Variants in NCKIPSD observed in about 807,000 individuals in gnomAD.
NCKIPSD encodes NCK interacting protein with SH3 domain, also known as NCK-interacting protein with SH3 domain.
In NCKIPSD, 48 loss-of-function variants were observed where a neutral mutation model predicts 73.4. That is an observed-to-expected ratio of 0.65 (90% CI 0.52 to 0.83). NCKIPSD has a LOEUF of 0.83. Among genes scored for constraint, NCKIPSD ranks in the 40% least tolerant of loss-of-function variants. NCKIPSD has a pLI of 0.00. For synonymous variants in NCKIPSD, 422 were observed against 403.6 expected, an observed-to-expected ratio of 1.05 and a Z score of -0.54; for missense variants, 884 against 970.2, an observed-to-expected ratio of 0.91 and a Z score of 1.18.
rs2077216275 is a variant in NCKIPSD at position 48,674,198 on chromosome 3, C to G, written c.*346G>C. 19 of 1,228,624 alleles carry G rather than the reference C, an allele frequency of 1.5e-5. No homozygotes were observed. The South Asian group carries it at 3.6e-4, about 23-fold the overall frequency. The allele number at this position is 1,228,624 out of a possible 1,614,324, so 76.1% of individuals were successfully genotyped here. ...GGCTTGCTGAGGCCCAGGATACAGA[C>G]CAGGAGGGGTGGGGATGGGGGTCTG... On this transcript the variant is annotated 3_prime_UTR_variant, in exon 13 of 13. Transcript: ENST00000294129.
At chr3:48,684,019 C>CACACACACAGAGAG (rs563262573) in intron 1 of NCKIPSD, among the ~76,000 whole-genome samples, 3 of 141,258 alleles carry the variant, frequency 2.1e-5, no homozygotes, top group African/African-American at 8.4e-5. Context: ...CACACACACA[C>CACACACACAGAGAG]AGAGAGAGAG....
intron 12 of NCKIPSD, among the ~76,000 whole-genome samples, chr3:48,676,280 T>C (rs1471484437): frequency 6.6e-6 from 1 of 152,144 alleles, no homozygotes; most frequent in Non-Finnish European, 1.5e-5. Flanking sequence ...GTCTTTCCCC[T>C]CAGTACCCAC....
Position 48,679,901 on chromosome 3 carries a change from G to T in NCKIPSD, c.1264-14C>A. 2 of 1,614,136 alleles carry T rather than the reference G, an allele frequency of 1.2e-6. No individual in the cohort carries two copies. The highest frequency in any genetic ancestry group is 1.1e-5 in the South Asian group (1 of 91,082). On this transcript the variant is annotated splice_polypyrimidine_tract_variant and intron_variant, in intron 6 of 12. Coordinates refer to ENST00000294129, the MANE Select transcript of NCKIPSD (RefSeq NM_016453.4). ...GTCTGCATCAGTCTACAGAAATGAG[G>T]AAGTGAGAGCATCAGCCACCATGAG...
chr3:48,679,515 A>G, intron 8 of NCKIPSD, 58 bp from the exon 9 acceptor site: 1 of 1,607,400 alleles, frequency 6.2e-7, no homozygotes, highest in Admixed American at 1.7e-5. Context: ...ACCCCAGCAG[A>G]TGGCAGGAAC....
Position 48,673,897 on chromosome 3 carries a change from T to C in NCKIPSD, c.*647A>G. On this transcript the variant is annotated 3_prime_UTR_variant, in exon 13 of 13. Coordinates refer to ENST00000294129, the MANE Select transcript of NCKIPSD (RefSeq NM_016453.4). ...AGGAGAGCTACAGCACATAGGAAAA[T>C]ACACATGGCTTTTCAGTCTACATTT... The C allele has an allele frequency of 3.8e-6, 4 of 1,056,794 alleles. No individual in the cohort carries two copies. Among genetic ancestry groups the C allele is most frequent in the South Asian group, 4.6e-5 (1 of 21,912 alleles). 65.5% of individuals were successfully genotyped at this position (1,056,794 alleles called of 1,614,324 possible). A position where few individuals can be genotyped will look rare whatever the true frequency, so the allele number is the denominator to read the frequency against.
intron 1 of NCKIPSD, 99 bp downstream of exon 1, chr3:48,685,538 G>C: frequency 1.4e-6 from 2 of 1,379,996 alleles, no homozygotes; most frequent in Non-Finnish European, 1.9e-6. Flanking sequence ...TCCTGGCCTC[G>C]GGTCCCGGAG....
intron 1 of NCKIPSD, 149 bp downstream of exon 1, chr3:48,685,488 G>T: frequency 9.7e-7 from 1 of 1,034,042 alleles, no homozygotes; most frequent in Non-Finnish European, 1.3e-6. Flanking sequence ...GGGTCCGGGG[G>T]TCTCAGGGTC....
In NCKIPSD at chr3:48,679,673, A is replaced by C. The variant is rs759992001; in HGVS notation, c.1391T>G (p.Phe464Cys). 7.4e-6 allele frequency: 12 copies of C among 1,614,184 alleles called. No homozygotes were observed. The South Asian group carries it at 1.2e-4, about 16-fold the overall frequency. Residue 464 changes from phenylalanine (F) to cysteine (C), a missense_variant, in exon 8 of 13, where the codon TTT becomes TGT. By Grantham distance (205) the Phe-to-Cys change is radical. Transcript: ENST00000294129. ...ASLRLLLLKCFGAMCSLDAAI... is the reference protein window; with the variant it reads ...ASLRLLLLKCCGAMCSLDAAI... ...TGCATCCAGGCTGCACATGGCGCCA[A>C]AGCACTTGAGGAGCAGCAGCCGCAG...
At chr3:48,685,551 G>A in intron 1 of NCKIPSD, 86 bp downstream of exon 1, 2 of 1,421,464 alleles carry the variant, frequency 1.4e-6, no homozygotes, top group South Asian at 1.4e-5. Flanking sequence ...TCCCGGAGAG[G>A]GTGGGGTCCC....
At position 48,674,366 on chromosome 3, in the gene NCKIPSD, A is replaced by G; in HGVS notation, c.*178T>C. On this transcript the variant is annotated 3_prime_UTR_variant, in exon 13 of 13. Transcript: ENST00000294129. Reference sequence around the variant, plus strand: ...CCTGCCCCAGAACAGCTCCCAGACCATGGTCCCCAATCCTACACTTGGCCC... The same window carrying G: ...CCTGCCCCAGAACAGCTCCCAGACCGTGGTCCCCAATCCTACACTTGGCCC... 2 of 1,439,146 alleles carry G rather than the reference A, an allele frequency of 1.4e-6. No homozygotes were observed. Among genetic ancestry groups the G allele is most frequent in the Admixed American group, 2.7e-5 (1 of 37,522 alleles). 89.1% of individuals were successfully genotyped at this position (1,439,146 alleles called of 1,614,324 possible). A position where few individuals can be genotyped will look rare whatever the true frequency, so the allele number is the denominator to read the frequency against.
chr3:48,676,269 C>T (rs1433309244), intron 12 of NCKIPSD, among the ~76,000 whole-genome samples: 2 of 152,126 alleles, frequency 1.3e-5, no homozygotes, highest in African/African-American at 2.4e-5. Flanking sequence ...TGCAGAAACC[C>T]GTCTTTCCCC....
chr3:48,679,018 A>G, intron 10 of NCKIPSD, 37 bp downstream of exon 10: 1 of 1,614,084 alleles, frequency 6.2e-7, no homozygotes, highest in Non-Finnish European at 8.5e-7. Context: ...GAGAGCCACC[A>G]TGTGCTCAGC....
intron 2 of NCKIPSD, 92 bp from the exon 3 acceptor site, chr3:48,682,644 A>T (rs904206639): frequency 7.0e-7 from 1 of 1,422,270 alleles, no homozygotes; most frequent in Non-Finnish European, 9.7e-7. Context: ...CCCATAGCCC[A>T]GGCCCCTCAG....
At chr3:48,679,341 G>A in intron 9 of NCKIPSD, 36 bp downstream of exon 9, 1 of 1,613,644 alleles carries the variant, frequency 6.2e-7, no homozygotes, top group Non-Finnish European at 8.5e-7. Context: ...CCTGGCTTAG[G>A]ACCTGTGATC....
chr3:48,681,733 A>G lies in NCKIPSD; in HGVS notation c.646T>C (p.Ser216Pro). Residue 216 changes from serine to proline, a missense_variant, in exon 5 of 13, where the codon TCC becomes CCC. Physicochemically the swap from Ser to Pro is moderately conservative, Grantham distance 74. Transcript: ENST00000294129. ...TCCAGGGAGGTGCTGCTGACTGAGG[A>G]GCCGCTGGACACAGAGTTACCCCCG... The part of the protein sequence containing the change: ...PSGGNSVSSG[S>P]SVSSTSLDTL... 6.5e-7 allele frequency: 1 copy of G among 1,537,418 alleles called. No individual in the cohort carries two copies. The highest frequency in any genetic ancestry group is 8.7e-7 in the Non-Finnish European group (1 of 1,142,976).
intron 12 of NCKIPSD, 121 bp from the exon 13 acceptor site, chr3:48,674,868 T>C (rs2077228378): frequency 2.1e-6 from 2 of 951,976 alleles, no homozygotes; most frequent in Non-Finnish European, 3.2e-6. Context: ...CAGGGCTGCA[T>C]CCCCAGCACC....
chr3:48,682,361 C>G lies in NCKIPSD; in HGVS notation c.473G>C (p.Gly158Ala). The G allele has an allele frequency of 6.2e-7, 1 of 1,614,058 alleles. No individual in the cohort carries two copies. The highest frequency in any genetic ancestry group is 8.5e-7 in the Non-Finnish European group (1 of 1,179,974). Residue 158 changes from glycine (G) to alanine (A), a missense_variant, in exon 3 of 13, where the codon GGA (glycine) becomes GCA (alanine). Transcript: ENST00000294129. Reference sequence around the variant, plus strand: ...CTCCCCACACACCTGGTAGAGGCCTCCATCTGCCCCAAGATGCTCAGAACT... The same window carrying G: ...CTCCCCACACACCTGGTAGAGGCCTGCATCTGCCCCAAGATGCTCAGAACT... Reference protein sequence around the residue: ...LPSSEHLGADGGLYQIPLPSS... With the variant: ...LPSSEHLGADAGLYQIPLPSS...
In NCKIPSD at chr3:48,684,021, G is replaced by C. The variant is rs199603030; in HGVS notation, c.172-1009C>G. Among the ~76,000 whole-genome samples, 778 of 110,402 alleles carry C rather than the reference G, an allele frequency of 7.0e-3. 4 individuals carry two copies. The highest frequency in any genetic ancestry group is 0.011 in the South Asian group (36 of 3,204). 72.4% of individuals were successfully genotyped at this position (110,402 alleles called of 152,430 possible). On this transcript the variant is annotated intron_variant, in intron 1 of 12. Coordinates refer to ENST00000294129, the MANE Select transcript of NCKIPSD (RefSeq NM_016453.4). ...ACACACACACACACACACACACACAGAGAGAGAGAGAAAGAAAGGAATGGG... is the reference window on the plus strand; with the variant it reads ...ACACACACACACACACACACACACACAGAGAGAGAGAAAGAAAGGAATGGG...
rs762188134 is a variant in NCKIPSD, at chr3:48,685,801, G to A, written c.7C>T (p.Arg3Cys). Residue 3 changes from arginine (R) to cysteine (C), a missense_variant, in exon 1 of 13, where the codon CGC becomes TGC. Physicochemically the swap from Arg to Cys is radical, Grantham distance 180. Transcript: ENST00000294129. MY[R>C]ALYAFRSAEP... Reference sequence around the variant, plus strand: ...GCCGAGCGGAACGCGTACAGCGCGCGGTACATGAGGCCGGGCAGGGCAGGT... The same window carrying A: ...GCCGAGCGGAACGCGTACAGCGCGCAGTACATGAGGCCGGGCAGGGCAGGT... 2.1e-5 allele frequency: 32 copies of A among 1,498,340 alleles called. No individual in the cohort carries two copies. The highest frequency in any genetic ancestry group is 2.4e-5 in the Non-Finnish European group (27 of 1,133,472). 92.8% of individuals were successfully genotyped at this position (1,498,340 alleles called of 1,614,324 possible).
Sources: gnomAD v4.1 joint callset for allele counts (sites outside exome capture counted in the v4.1 genomes callset) on GRCh38, gnomAD v4.1.1 for gene constraint, MANE v1.5 for transcripts, NCBI Gene and HGNC (gene_info 2026-07-23, HGNC 2026-07-21) for gene names.